Variants in CATSPERE observed in about 807,000 individuals in gnomAD.
The protein encoded by CATSPERE is catsper channel auxiliary subunit epsilon, also known as cation channel sperm-associated auxiliary subunit epsilon.
A neutral mutation model predicts 114.1 loss-of-function variants in CATSPERE; 93 were observed. The ratio of observed to expected loss-of-function variants is 0.81; its 90% CI spans 0.69 to 0.97. The LOEUF (loss-of-function observed/expected upper bound fraction) is 0.97. Ranked by LOEUF, CATSPERE falls within the 50% of genes least tolerant of loss-of-function variation. The pLI is 0.00. For missense variants in CATSPERE, 1,058 were observed against 1,131.6 expected (o/e 0.93, Z 0.93); for synonymous variants, 341 against 384.1 (o/e 0.89, Z 1.31).
At chr1:244,480,917 C>T (rs780662810) in intron 5 of CATSPERE, among the ~76,000 whole-genome samples, 2 of 152,178 alleles carry the variant, frequency 1.3e-5, no homozygotes, top group Non-Finnish European at 2.9e-5. Context: ...TCCCAGTCCC[C>T]AGCTTTTCCT....
chr1:244,516,433 A>G (rs1676631386), intron 7 of CATSPERE, among the ~76,000 whole-genome samples: 2 of 151,966 alleles, frequency 1.3e-5, no homozygotes, highest in South Asian at 2.1e-4. Flanking sequence ...CTGTAGCCTC[A>G]AACTCCTGGG....
intron 6 of CATSPERE, among the ~76,000 whole-genome samples, chr1:244,498,303 A>T (rs546222429): frequency 1.3e-5 from 2 of 152,226 alleles, no homozygotes; most frequent in Non-Finnish European, 2.9e-5. Flanking sequence ...TAATATATCT[A>T]TTGGTTATAC....
intron 4 of CATSPERE, 82 bp downstream of exon 4, chr1:244,478,057 A>G: frequency 2.8e-6 from 3 of 1,075,362 alleles, no homozygotes; most frequent in Non-Finnish European, 4.2e-6. Context: ...CTTTCTTTTG[A>G]GCTTTTCAAT....
upstream of CATSPERE, chr1:244,451,930 G>C: frequency 2.6e-6 from 3 of 1,156,518 alleles, no homozygotes; most frequent in Non-Finnish European, 3.5e-6. The surrounding 1 kb of genome is among the most constrained non-coding windows in gnomAD (Gnocchi z 6.6). Context: ...CCAGAGGCCG[G>C]CCCCGCCCCC....
At chr1:244,512,949 T>G (rs1339123013) in intron 7 of CATSPERE, among the ~76,000 whole-genome samples, 1 of 152,162 alleles carries the variant, frequency 6.6e-6, no homozygotes, top group Admixed American at 6.5e-5. Flanking sequence ...GGCAGGCTGG[T>G]CCATGGACAC....
intron 17 of CATSPERE, among the ~76,000 whole-genome samples, chr1:244,594,532 A>G (rs988287802): frequency 6.6e-6 from 1 of 152,234 alleles, no homozygotes; most frequent in Non-Finnish European, 1.5e-5. Context: ...ATTTTTTGCT[A>G]TTGTAAATAA....
At chr1:244,493,001 G>A (rs569232193) in intron 6 of CATSPERE, among the ~76,000 whole-genome samples, 107 of 151,186 alleles carry the variant, frequency 7.1e-4, no homozygotes, top group African/African-American at 1.1e-3. Flanking sequence ...AATCAATATC[G>A]TGAAAATGGC....
intron 18 of CATSPERE, among the ~76,000 whole-genome samples, chr1:244,609,150 C>T (rs975149119): frequency 1.3e-5 from 2 of 151,998 alleles, no homozygotes; most frequent in African/African-American, 4.8e-5. Flanking sequence ...TGTACCACTG[C>T]ACTCCAGCCT....
intron 6 of CATSPERE, among the ~76,000 whole-genome samples, chr1:244,494,909 T>C (rs1043823844): frequency 2.0e-5 from 3 of 152,310 alleles, no homozygotes; most frequent in Non-Finnish European, 4.4e-5. Flanking sequence ...TTTTTGAGGC[T>C]ACAACTATAA....
At chr1:244,512,949 T>C (rs1339123013) in intron 7 of CATSPERE, among the ~76,000 whole-genome samples, 2 of 152,162 alleles carry the variant, frequency 1.3e-5, no homozygotes, top group Admixed American at 6.5e-5. Context: ...GGCAGGCTGG[T>C]CCATGGACAC....
chr1:244,523,288 C>G (rs1230506694), intron 8 of CATSPERE, among the ~76,000 whole-genome samples: 1 of 147,456 alleles, frequency 6.8e-6, no homozygotes, highest in Admixed American at 6.6e-5. Flanking sequence ...ATTCAATAAC[C>G]CTTCATGCTA....
chr1:244,553,646 T>C (rs370222519), intron 9 of CATSPERE, among the ~76,000 whole-genome samples: 16,281 of 88,620 alleles, frequency 0.18, 1,726 homozygotes, highest in African/African-American at 0.35. Flanking sequence ...CACACACACA[T>C]ACATATATAT....
intron 21 of CATSPERE, among the ~76,000 whole-genome samples, chr1:244,636,310 G>A (rs1000780098): frequency 2.0e-5 from 3 of 151,878 alleles, no homozygotes; most frequent in Admixed American, 1.3e-4. Context: ...TTTTTTTTGC[G>A]GGGGAGGGGA....
chr1:244,470,580 G>A (rs1263948796), intron 2 of CATSPERE, among the ~76,000 whole-genome samples: 3 of 152,186 alleles, frequency 2.0e-5, no homozygotes, highest in Non-Finnish European at 2.9e-5. Flanking sequence ...AATGGTGCAG[G>A]CACTTTAGAA....
intron 6 of CATSPERE, among the ~76,000 whole-genome samples, chr1:244,494,104 A>G (rs1672687933): frequency 6.6e-6 from 1 of 152,168 alleles, no homozygotes; most frequent in Non-Finnish European, 1.5e-5. Context: ...ATTACTGGGT[A>G]TATACCCAAA....
intron 11 of CATSPERE, among the ~76,000 whole-genome samples, chr1:244,576,332 C>T (rs144840905): frequency 1.6e-3 from 239 of 151,886 alleles, no homozygotes; most frequent in African/African-American, 5.6e-3. Flanking sequence ...GTATGGGTCA[C>T]CATTTTGTTG....
chr1:244,605,435 A>G (rs185143204), intron 17 of CATSPERE, among the ~76,000 whole-genome samples: 1 of 152,310 alleles, frequency 6.6e-6, no homozygotes. Context: ...ATCAGGTTTT[A>G]TTTTGAGAGC....
chr1:244,499,787 A>G (rs554012545), intron 7 of CATSPERE, among the ~76,000 whole-genome samples: 1 of 152,254 alleles, frequency 6.6e-6, no homozygotes, highest in East Asian at 1.9e-4. Flanking sequence ...TGTTGTGAAT[A>G]GTGCTGCAAT....
chr1:244,604,178 G>T (rs1312236526), intron 17 of CATSPERE, among the ~76,000 whole-genome samples: 2 of 152,198 alleles, frequency 1.3e-5, no homozygotes, highest in African/African-American at 4.8e-5. Context: ...GGGTCCCAGA[G>T]CTCTCAGTAG....
Sources: allele counts gnomAD v4.1 joint callset (sites outside exome capture counted in the v4.1 genomes callset), GRCh38; gene constraint gnomAD v4.1.1; non-coding constraint Gnocchi (gnomAD v3.1); transcripts MANE v1.5; gene names NCBI Gene and HGNC (gene_info 2026-07-23, HGNC 2026-07-21).